The following LURAP1 variants were observed in gnomAD, a reference collection of about 807,000 sequenced individuals.
LURAP1 encodes NF-kappa-B activator C1orf190.
Under a neutral mutation model 19.0 loss-of-function variants are expected in LURAP1, and 14 were observed. The observed-to-expected ratio is 0.74, with a 90% CI of 0.49 to 1.15. LURAP1 has a LOEUF of 1.15. Among genes scored for constraint, LURAP1 ranks in the 50% most tolerant of loss-of-function variants. The pLI is 0.00. For missense variants in LURAP1, 273 were observed against 309.1 expected (o/e 0.88, Z 0.87); for synonymous variants, 129 against 131.8 (o/e 0.98, Z 0.14).
At chr1:46,210,276 G>GT (rs1175546521) in intron 1 of LURAP1, among the ~76,000 whole-genome samples, 1 of 151,928 alleles carries the variant, frequency 6.6e-6, no homozygotes, top group African/African-American at 2.4e-5. Flanking sequence ...GTGTGTGTGT[G>GT]TTTTTTTAAT....
chr1:46,204,075 G>C (rs1658636424), intron 1 of LURAP1, among the ~76,000 whole-genome samples: 1 of 152,216 alleles, frequency 6.6e-6, no homozygotes, highest in African/African-American at 2.4e-5. Context: ...CAGAAAAGAA[G>C]TGGGTAAAGG....
At chr1:46,206,408 G>A (rs1658718619) in intron 1 of LURAP1, among the ~76,000 whole-genome samples, 1 of 152,052 alleles carries the variant, frequency 6.6e-6, no homozygotes, top group Non-Finnish European at 1.5e-5. Flanking sequence ...GATTTATATT[G>A]AGCAATGAGG....
At chr1:46,204,536 CT>C (rs1309676366) in intron 1 of LURAP1, among the ~76,000 whole-genome samples, 1 of 94,570 alleles carries the variant, frequency 1.1e-5, no homozygotes, top group Non-Finnish European at 2.9e-5. Context: ...TAAAGTCTTC[CT>C]GTGTGCCCAG....
intron 1 of LURAP1, among the ~76,000 whole-genome samples, chr1:46,207,548 T>TTTC (rs1557683337): frequency 1.3e-4 from 20 of 151,328 alleles, no homozygotes; most frequent in Non-Finnish European, 2.4e-4. Flanking sequence ...TTCTTTCTTT[T>TTTC]TTTTTTTTGA....
intron 1 of LURAP1, 123 bp from the exon 2 acceptor site, chr1:46,219,576 G>A (rs1359784638): frequency 2.3e-5 from 25 of 1,103,148 alleles, no homozygotes; most frequent in Middle Eastern, 3.1e-4. Flanking sequence ...ACTGCAAGCC[G>A]TTATAATTCC....
At chr1:46,213,676 T>C (rs950996731) in intron 1 of LURAP1, among the ~76,000 whole-genome samples, 2 of 152,112 alleles carry the variant, frequency 1.3e-5, no homozygotes, top group African/African-American at 4.8e-5. Flanking sequence ...GCTATGATCA[T>C]GCCACTGCAC....
Position 46,203,590 on chromosome 1 carries a change from TGGGGGACAA to T in LURAP1, c.166_174del (p.Gly56_Lys58del). The stretch of plus-strand genomic sequence containing the variant: ...GGGGCGTCTAGCACCGGCCACGACT[TGGGGGACAA>T]GATCATGGCGCTGAAGATGGAGCTG... On this transcript the variant is annotated inframe_deletion, in exon 1 of 2. Coordinates refer to ENST00000371980, the MANE Select transcript of LURAP1 (RefSeq NM_001013615.3). 1 of 1,589,174 alleles carries T rather than the reference TGGGGGACAA, an allele frequency of 6.3e-7. No homozygotes were observed. Among genetic ancestry groups the T allele is most frequent in the Non-Finnish European group, 8.5e-7 (1 of 1,170,026 alleles).
intron 1 of LURAP1, among the ~76,000 whole-genome samples, chr1:46,215,411 A>G (rs1340402158): frequency 2.6e-5 from 4 of 152,218 alleles, no homozygotes; most frequent in Non-Finnish European, 4.4e-5. Flanking sequence ...GTCAGTTTCC[A>G]GATTGAAAAG....
At chr1:46,214,796 G>A (rs1202569990) in intron 1 of LURAP1, among the ~76,000 whole-genome samples, 1 of 146,278 alleles carries the variant, frequency 6.8e-6, no homozygotes, top group Admixed American at 7.2e-5. Flanking sequence ...AACCCGAGAG[G>A]CAGAGGCTGC....
intron 1 of LURAP1, among the ~76,000 whole-genome samples, chr1:46,205,825 C>T (rs1658695640): frequency 6.6e-6 from 1 of 152,216 alleles, no homozygotes; most frequent in South Asian, 2.1e-4. Context: ...TACTGGGTTG[C>T]ACCCAGGAAG....
rs552194278 is a variant in LURAP1, at chr1:46,203,564, A to G, written c.138A>G (p.Pro46=). The change falls in exon 1 of 2, where the codon CCA becomes CCG. Residue 46 remains proline (P), a synonymous_variant. Transcript: ENST00000371980. ...GAACCTCTGGCGCCCTGCTGCTCCC[A>G]GGGGCGTCTAGCACCGGCCACGACT... ...ELGTSGALLL[P]GASSTGHDLG... 4 of 1,573,518 alleles carry G rather than the reference A, an allele frequency of 2.5e-6. No homozygotes were observed. Among genetic ancestry groups the G allele is most frequent in the East Asian group, 2.3e-5 (1 of 42,994 alleles).
intron 1 of LURAP1, among the ~76,000 whole-genome samples, chr1:46,203,960 T>C (rs1658631804): frequency 6.6e-6 from 1 of 152,058 alleles, no homozygotes; most frequent in Admixed American, 6.5e-5. Flanking sequence ...CCCGCCTGTA[T>C]GGGCCACCTA....
chr1:46,208,570 C>T (rs1289772479), intron 1 of LURAP1, among the ~76,000 whole-genome samples: 3 of 152,078 alleles, frequency 2.0e-5, no homozygotes, highest in South Asian at 2.1e-4. Flanking sequence ...AGGGCCGGCA[C>T]GGTGGCTCAT....
intron 1 of LURAP1, among the ~76,000 whole-genome samples, chr1:46,206,884 G>C (rs1262445674): frequency 6.6e-6 from 1 of 152,166 alleles, no homozygotes; most frequent in Non-Finnish European, 1.5e-5. Context: ...GTTAGGGAAG[G>C]AGGAGACAGA....
chr1:46,215,225 CAAA>C (rs35554687), intron 1 of LURAP1, among the ~76,000 whole-genome samples: 7 of 75,602 alleles, frequency 9.3e-5, no homozygotes, highest in South Asian at 4.3e-4. Flanking sequence ...AACTCTGTCT[CAAA>C]AAAAAAAAAA....
intron 1 of LURAP1, among the ~76,000 whole-genome samples, chr1:46,204,744 T>A (rs1239397868): frequency 6.6e-6 from 1 of 152,080 alleles, no homozygotes; most frequent in African/African-American, 2.4e-5. Flanking sequence ...AGTGCCCAAT[T>A]CTCCAGAGCA....
At chr1:46,203,752 C>T in intron 1 of LURAP1, 128 bp downstream of exon 1, 1 of 847,856 alleles carries the variant, frequency 1.2e-6, no homozygotes, top group African/African-American at 1.8e-5. Context: ...CTCAGAATCC[C>T]TCCCAGATCA....
chr1:46,204,228 T>G (rs1005922533), intron 1 of LURAP1, among the ~76,000 whole-genome samples: 2 of 152,142 alleles, frequency 1.3e-5, no homozygotes, highest in African/African-American at 4.8e-5. Context: ...TGGTGCTGAT[T>G]CCCTCGCCTC....
At chr1:46,210,503 C>T (rs1300290333) in intron 1 of LURAP1, among the ~76,000 whole-genome samples, 2 of 152,148 alleles carry the variant, frequency 1.3e-5, no homozygotes, top group East Asian at 1.9e-4. Context: ...AGACACTAGT[C>T]GTAAATCTGG....
Sources: allele counts gnomAD v4.1 joint callset (sites outside exome capture counted in the v4.1 genomes callset), GRCh38; gene constraint gnomAD v4.1.1; transcripts MANE v1.5; gene names NCBI Gene and HGNC (gene_info 2026-07-23, HGNC 2026-07-21).